ZZEF1: variants seen among roughly 807,000 people sequenced by gnomAD.
The protein encoded by ZZEF1 is zinc finger ZZ-type and EF-hand domain containing 1, also known as zinc finger ZZ-type and EF-hand domain-containing protein 1.
ZZEF1 carries 157 observed loss-of-function variants against 342.8 expected under a neutral mutation model. The ratio of observed to expected loss-of-function variants is 0.46; its 90% CI spans 0.40 to 0.52. ZZEF1 has a LOEUF of 0.52. ZZEF1 is among the 20% of genes least tolerant of loss of function. The pLI, the probability that ZZEF1 is intolerant of heterozygous loss-of-function variation, is 0.00. For missense variants in ZZEF1, 3,480 were observed against 3,725.6 expected, an observed-to-expected ratio of 0.93 and a Z score of 1.72; for synonymous variants, 1,505 against 1,429.1, an observed-to-expected ratio of 1.05 and a Z score of -1.20.
rs747438968 is a variant in ZZEF1 at position 4,085,796 on chromosome 17, G to T, written c.2520C>A (p.Asp840Glu). 1 of 1,613,876 alleles carries T rather than the reference G, an allele frequency of 6.2e-7. No homozygotes were observed. Among genetic ancestry groups the T allele is most frequent in the East Asian group, 2.2e-5 (1 of 44,880 alleles). Residue 840 changes from aspartate (D) to glutamate (E), a missense_variant, in exon 16 of 55, where the codon GAC becomes GAA. Physicochemically the swap from Asp to Glu is conservative, Grantham distance 45. Coordinates refer to ENST00000381638, the MANE Select transcript of ZZEF1 (RefSeq NM_015113.4). Reference protein sequence around the residue: ...ELYTHLCDVVDKVDGDSVPME... With the variant: ...ELYTHLCDVVEKVDGDSVPME... ...TGGGCACAGAGTCTCCATCCACCTT[G>T]TCCACCACTGATAAAATGAACAATG...
At chr17:4,094,462 T>A (rs553276458) in intron 11 of ZZEF1, among the ~76,000 whole-genome samples, 1 of 152,294 alleles carries the variant, frequency 6.6e-6, no homozygotes, top group African/African-American at 2.4e-5. Context: ...TTCTACATTT[T>A]AAATTATCGT....
intron 6 of ZZEF1, among the ~76,000 whole-genome samples, chr17:4,106,460 A>T (rs1337201543): frequency 2.0e-5 from 3 of 148,216 alleles, no homozygotes; most frequent in African/African-American, 7.3e-5. Flanking sequence ...TTATTTTATA[A>T]TTTGTTCAGC....
chr17:4,034,412 T>C (rs994995817), intron 39 of ZZEF1, 120 bp from the exon 40 acceptor site: 4 of 996,080 alleles, frequency 4.0e-6, no homozygotes, highest in African/African-American at 1.6e-5. Context: ...ATCATGCTTG[T>C]AGCTTTCATA....
At chr17:4,036,078 CAAAAAAA>C (rs34564566) in intron 39 of ZZEF1, among the ~76,000 whole-genome samples, 1 of 92,772 alleles carries the variant, frequency 1.1e-5, no homozygotes, top group Non-Finnish European at 2.4e-5. Context: ...ACAGCCTGTC[CAAAAAAA>C]AAAAAAAAAA....
intron 6 of ZZEF1, among the ~76,000 whole-genome samples, chr17:4,109,263 T>TA (rs1351704447): frequency 6.6e-6 from 1 of 152,186 alleles, no homozygotes; most frequent in Non-Finnish European, 1.5e-5. Context: ...GGTAAAATAA[T>TA]AGACTGCATC....
At position 4,104,657 on chromosome 17, in the gene ZZEF1, T is replaced by G; in HGVS notation, c.1549A>C (p.Arg517=). The change falls in exon 8 of 55, where the codon AGA becomes CGA. Residue 517 remains arginine (R), a synonymous_variant. Coordinates refer to ENST00000381638, the MANE Select transcript of ZZEF1 (RefSeq NM_015113.4). ...CCATATTTGAGGAGCAGGTTCTGTCTGACTGACGCCATGGACAAGATGAGG... is the reference window on the plus strand; with the variant it reads ...CCATATTTGAGGAGCAGGTTCTGTCGGACTGACGCCATGGACAAGATGAGG... The part of the protein sequence containing the change: ...SSLILSMASV[R]QNLLLKYGKP... The G allele has an allele frequency of 1.9e-6, 3 of 1,614,118 alleles. No individual in the cohort carries two copies. Among genetic ancestry groups the G allele is most frequent in the African/African-American group, 1.3e-5 (1 of 75,046 alleles).
chr17:4,067,548 A>C (rs2057424707), intron 26 of ZZEF1, among the ~76,000 whole-genome samples: 1 of 152,224 alleles, frequency 6.6e-6, no homozygotes, highest in South Asian at 2.1e-4. Context: ...TAGAATATTA[A>C]CAGTGAGTAA....
chr17:4,016,488 A>C lies in ZZEF1; in HGVS notation c.8002-22T>G. On this transcript the variant is annotated intron_variant, in intron 48 of 54. Coordinates refer to ENST00000381638, the MANE Select transcript of ZZEF1 (RefSeq NM_015113.4). This position sits in a 1 kb window ranked among gnomAD's most constrained non-coding sequence, Gnocchi z 4.4. The stretch of plus-strand genomic sequence containing the variant: ...GGATCTGGTGGGAAGCAGACAGATA[A>C]GGTCAGGGCCTGCAAGTGGCATCAG... 1 of 1,595,708 alleles carries C rather than the reference A, an allele frequency of 6.3e-7. No homozygotes were observed.
intron 1 of ZZEF1, among the ~76,000 whole-genome samples, chr17:4,134,622 C>T (rs1388006166): frequency 2.0e-5 from 3 of 151,978 alleles, no homozygotes; most frequent in African/African-American, 7.3e-5. Context: ...TTATATTTTC[C>T]ACAACAACTC....
At position 4,061,593 on chromosome 17, in the gene ZZEF1, C is replaced by T. The variant is rs545067859; in HGVS notation, c.4883+1160G>A. Reference sequence around the variant, plus strand: ...TTTACAAAAAAGATTTCCAGCTTAACGTGGCCAAAACAAAACTTTTGATTT... The same window carrying T: ...TTTACAAAAAAGATTTCCAGCTTAATGTGGCCAAAACAAAACTTTTGATTT... On this transcript the variant is annotated intron_variant, in intron 30 of 54. Coordinates refer to ENST00000381638, the MANE Select transcript of ZZEF1 (RefSeq NM_015113.4). 3.9e-5 allele frequency among the ~76,000 whole-genome samples: 6 copies of T among 152,220 alleles called. No individual in the cohort carries two copies. In the East Asian group the frequency reaches 5.8e-4, roughly 15 times the overall value.
intron 16 of ZZEF1, among the ~76,000 whole-genome samples, chr17:4,084,339 G>T (rs2057780103): frequency 6.6e-6 from 1 of 150,658 alleles, no homozygotes; most frequent in African/African-American, 2.4e-5. Context: ...ATTTTCTACT[G>T]CTGAACCATC....
Position 4,096,695 on chromosome 17 carries a change from G to A in ZZEF1, c.1678C>T (p.Leu560Phe). Residue 560 changes from leucine (L) to phenylalanine (F), a missense_variant, in exon 10 of 55, where the codon CTT becomes TTT. Coordinates refer to ENST00000381638, the MANE Select transcript of ZZEF1 (RefSeq NM_015113.4). ...LVEPWTRDGF[L>F]TETGKTRAST... ...GCTCTGGTTTTTCCAGTTTCCGTAA[G>A]AAAACCTGAAAAAAGGGAAAACTCA... 6.2e-7 allele frequency: 1 copy of A among 1,613,432 alleles called. No individual in the cohort carries two copies. Among genetic ancestry groups the A allele is most frequent in the Non-Finnish European group, 8.5e-7 (1 of 1,179,698 alleles).
chr17:4,122,104 A>G (rs1597923992), intron 2 of ZZEF1, among the ~76,000 whole-genome samples: 1 of 152,260 alleles, frequency 6.6e-6, no homozygotes, highest in East Asian at 1.9e-4. Flanking sequence ...GAGGGTCAAG[A>G]GCAATCAGAT....
At chr17:4,078,828 T>G (rs1051070794) in intron 18 of ZZEF1, among the ~76,000 whole-genome samples, 2 of 152,262 alleles carry the variant, frequency 1.3e-5, no homozygotes, top group Non-Finnish European at 2.9e-5. Context: ...GGATATTTGT[T>G]GAATTTGATA....
chr17:4,083,065 C>T lies in ZZEF1; in HGVS notation c.2647-561G>A, dbSNP rs568557480. On this transcript the variant is annotated intron_variant, in intron 16 of 54. Coordinates refer to ENST00000381638, the MANE Select transcript of ZZEF1 (RefSeq NM_015113.4). ...TGCTGGGATTACAGGCGTGAGCCAC[C>T]GCACCCAGCTGATAATATACTTTTT... is the stretch of plus-strand genomic sequence containing the variant. 5.3e-4 allele frequency among the ~76,000 whole-genome samples: 80 copies of T among 152,244 alleles called. 1 individual carries two copies. Among genetic ancestry groups the T allele is most frequent in the Non-Finnish European group, 8.5e-4 (58 of 68,020 alleles).
At chr17:4,042,215 A>G (rs905453806) in intron 39 of ZZEF1, among the ~76,000 whole-genome samples, 3 of 151,934 alleles carry the variant, frequency 2.0e-5, no homozygotes, top group Non-Finnish European at 2.9e-5. Context: ...GAAAAAAATC[A>G]TTATAAGCAT....
chr17:4,129,347 C>G (rs1597937708), intron 1 of ZZEF1, among the ~76,000 whole-genome samples: 1 of 152,242 alleles, frequency 6.6e-6, no homozygotes, highest in South Asian at 2.1e-4. Context: ...AAAAACAGAA[C>G]TACCATTTGA....
intron 42 of ZZEF1, among the ~76,000 whole-genome samples, chr17:4,029,208 T>A (rs1019174031): frequency 6.6e-6 from 1 of 152,172 alleles, no homozygotes; most frequent in African/African-American, 2.4e-5. Flanking sequence ...AGACCTAATT[T>A]TGGACAATAA....
chr17:4,098,084 CA>C (rs2058068530), intron 9 of ZZEF1, among the ~76,000 whole-genome samples: 1 of 151,640 alleles, frequency 6.6e-6, no homozygotes. Flanking sequence ...ACTAAAAACA[CA>C]AAATTCGCCG....
Sources: allele counts gnomAD v4.1 joint callset (sites outside exome capture counted in the v4.1 genomes callset), GRCh38; gene constraint gnomAD v4.1.1; non-coding constraint Gnocchi (gnomAD v3.1); transcripts MANE v1.5; gene names NCBI Gene and HGNC (gene_info 2026-07-23, HGNC 2026-07-21).